The following DGKG variants were observed in gnomAD, a reference collection of about 807,000 sequenced individuals.
DGKG encodes the protein diacylglycerol kinase gamma.
In DGKG, 78 loss-of-function variants were observed where a neutral mutation model predicts 105.3. The observed-to-expected ratio is 0.74, with a 90% CI of 0.62 to 0.89. The LOEUF (loss-of-function observed/expected upper bound fraction) is 0.89, where lower values mean the gene tolerates loss of function less well. Ranked by LOEUF, DGKG falls within the 40% of genes least tolerant of loss-of-function variation. The pLI, the probability that DGKG is intolerant of heterozygous loss-of-function variation, is 0.00. For synonymous variants in DGKG, 346 were observed against 367.1 expected (o/e 0.94, Z 0.66); for missense variants, 958 against 1,020.1 (o/e 0.94, Z 0.83).
At chr3:186,179,814 G>A (rs928428011) in intron 22 of DGKG, among the ~76,000 whole-genome samples, 18 of 152,176 alleles carry the variant, frequency 1.2e-4, no homozygotes, top group Admixed American at 7.2e-4. Flanking sequence ...AGTGAGAATT[G>A]GAGGCCGACC....
intron 20 of DGKG, among the ~76,000 whole-genome samples, chr3:186,214,254 G>A (rs1719174072): frequency 6.6e-6 from 1 of 152,176 alleles, no homozygotes; most frequent in Admixed American, 6.5e-5. Flanking sequence ...TTTGACAAGT[G>A]ATTTAATGTT....
chr3:186,196,741 A>C (rs1718201377), intron 21 of DGKG, among the ~76,000 whole-genome samples: 1 of 152,160 alleles, frequency 6.6e-6, no homozygotes, highest in Non-Finnish European at 1.5e-5. Flanking sequence ...ATCATTCCTA[A>C]TTACCAAAAT....
chr3:186,167,126 G>A (rs543451615), intron 22 of DGKG, among the ~76,000 whole-genome samples: 1 of 152,232 alleles, frequency 6.6e-6, no homozygotes, highest in East Asian at 1.9e-4. Flanking sequence ...TCATCAGCAT[G>A]GTGGGTGGGT....
At chr3:186,206,752 G>GT (rs201233068) in intron 21 of DGKG, among the ~76,000 whole-genome samples, 5,088 of 150,572 alleles carry the variant, frequency 0.034, 260 homozygotes, top group African/African-American at 0.12. Context: ...CTTCTTTTTT[G>GT]TTTTTTTGTT....
intron 1 of DGKG, among the ~76,000 whole-genome samples, chr3:186,347,175 G>A (rs991750919): frequency 2.2e-4 from 34 of 151,946 alleles, no homozygotes; most frequent in Admixed American, 4.6e-4. Flanking sequence ...TTGGCCAGGC[G>A]GGGCGGCTCA....
intron 2 of DGKG, among the ~76,000 whole-genome samples, chr3:186,317,957 A>G (rs1002183273): frequency 6.6e-6 from 1 of 151,926 alleles, no homozygotes; most frequent in Non-Finnish European, 1.5e-5. Context: ...GTCATTTTCT[A>G]CAGATTCAGT....
chr3:186,335,669 A>G (rs1007647746), intron 1 of DGKG, among the ~76,000 whole-genome samples: 1 of 152,216 alleles, frequency 6.6e-6, no homozygotes, highest in African/African-American at 2.4e-5. Context: ...CTGGTGTGGA[A>G]GTAAATTAGC....
intron 21 of DGKG, among the ~76,000 whole-genome samples, chr3:186,208,331 C>T (rs113160401): frequency 0.011 from 1,711 of 152,100 alleles, 39 homozygotes; most frequent in South Asian, 0.065. Flanking sequence ...CGTGAGCCAC[C>T]GCGCCTCGCC....
At chr3:186,212,036 G>T in intron 20 of DGKG, 151 bp from the exon 21 acceptor site, 1 of 637,080 alleles carries the variant, frequency 1.6e-6, no homozygotes, top group South Asian at 1.9e-5. Flanking sequence ...TCAAGGAATA[G>T]AAATTTTTTA....
In DGKG at chr3:186,188,183, A is replaced by G; in HGVS notation, c.2095+19T>C. 1 of 1,613,886 alleles carries G rather than the reference A, an allele frequency of 6.2e-7. No individual in the cohort carries two copies. Among genetic ancestry groups the G allele is most frequent in the Non-Finnish European group, 8.5e-7 (1 of 1,179,848 alleles). ...TACTGGGCATTGACCTAAAACAATTATCCTCATTCCTGGCTTACCTTGAAC... is the reference window on the plus strand; with the variant it reads ...TACTGGGCATTGACCTAAAACAATTGTCCTCATTCCTGGCTTACCTTGAAC... On this transcript the variant is annotated intron_variant, in intron 22 of 24. Transcript: ENST00000265022.
At chr3:186,218,481 C>T (rs902752514) in intron 20 of DGKG, among the ~76,000 whole-genome samples, 7 of 120,924 alleles carry the variant, frequency 5.8e-5, no homozygotes, top group South Asian at 2.7e-4. Flanking sequence ...TCCAGCCTGG[C>T]GACAGAGCGA....
Position 186,209,473 on chromosome 3 carries a change from C to G in DGKG, c.1917+2322G>C, listed in dbSNP as rs142141563. Among the ~76,000 whole-genome samples, 380 of 152,226 alleles carry G rather than the reference C, an allele frequency of 2.5e-3. 1 individual carries two copies. The highest frequency in any genetic ancestry group is 8.7e-3 in the African/African-American group (362 of 41,522). On this transcript the variant is annotated intron_variant, in intron 21 of 24. Transcript: ENST00000265022. ...AATGGGGATAATAATCTCTGGACTA[C>G]TTAGCTCACAGGGTTGGTTGTGTGA...
chr3:186,158,843 T>A, intron 24 of DGKG: 1 of 939,096 alleles, frequency 1.1e-6, no homozygotes, highest in Non-Finnish European at 1.3e-6. Context: ...CATAATTGAA[T>A]GTACTTTTTA....
chr3:186,256,233 C>CG (rs903086061), intron 17 of DGKG, among the ~76,000 whole-genome samples: 3 of 152,118 alleles, frequency 2.0e-5, no homozygotes, highest in African/African-American at 7.2e-5. Flanking sequence ...CCAAAGCGCC[C>CG]GGGGGAGTGG....
intron 24 of DGKG, chr3:186,160,454 A>G: frequency 2.0e-6 from 2 of 985,416 alleles, no homozygotes; most frequent in Non-Finnish European, 2.4e-6. Flanking sequence ...CAAGGTGGAA[A>G]GCTATTATTT....
chr3:186,161,216 AGCAAT>A, intron 24 of DGKG: 1 of 1,006,032 alleles, frequency 9.9e-7, no homozygotes, highest in South Asian at 4.1e-5. Flanking sequence ...CACGTAAGGA[AGCAAT>A]TTGACTTGTT....
intron 2 of DGKG, among the ~76,000 whole-genome samples, chr3:186,314,971 C>T (rs1257347399): frequency 6.6e-6 from 1 of 152,100 alleles, no homozygotes; most frequent in Admixed American, 6.5e-5. Flanking sequence ...AATGCCCACC[C>T]CCCAATGGCC....
intron 1 of DGKG, among the ~76,000 whole-genome samples, chr3:186,355,349 A>C (rs1455789069): frequency 1.1e-4 from 6 of 55,348 alleles, no homozygotes; most frequent in African/African-American, 6.4e-4. Context: ...ACCACCAACA[A>C]CACTACTCCT....
chr3:186,191,895 A>G (rs1424906210), intron 21 of DGKG, among the ~76,000 whole-genome samples: 2 of 152,228 alleles, frequency 1.3e-5, no homozygotes, highest in Non-Finnish European at 2.9e-5. Context: ...AGTGTGATTC[A>G]TGACTTCTTA....
Sources: gnomAD v4.1 joint callset for allele counts (sites outside exome capture counted in the v4.1 genomes callset) on GRCh38, gnomAD v4.1.1 for gene constraint, MANE v1.5 for transcripts, NCBI Gene and HGNC (gene_info 2026-07-23, HGNC 2026-07-21) for gene names.